Variants in CDH13 observed in about 807,000 individuals in gnomAD.
CDH13 encodes cadherin 13, also known as cadherin-13.
A neutral mutation model predicts 63.8 loss-of-function variants in CDH13; 24 were observed. The observed-to-expected ratio is 0.38, with a 90% CI of 0.27 to 0.53. CDH13 has a LOEUF of 0.53. Ranked by LOEUF, CDH13 falls within the 20% of genes least tolerant of loss-of-function variation. CDH13 has a pLI of 0.85. For synonymous variants in CDH13, 503 were observed against 355.3 expected (o/e 1.42, Z -4.67); for missense variants, 1,049 against 903.1 (o/e 1.16, Z -2.07).
chr16:83,381,592 A>G (rs1310320261), intron 6 of CDH13, among the ~76,000 whole-genome samples: 3 of 152,068 alleles, frequency 2.0e-5, no homozygotes, highest in South Asian at 4.2e-4. Context: ...TACCCTTCAC[A>G]TCACCTTCTC....
At chr16:83,595,275 C>T (rs1353498954) in intron 7 of CDH13, among the ~76,000 whole-genome samples, 1 of 152,190 alleles carries the variant, frequency 6.6e-6, no homozygotes, top group Non-Finnish European at 1.5e-5. Flanking sequence ...CACTGATATG[C>T]TCAGACCTTT....
At chr16:83,322,249 A>G (rs1247898142) in intron 5 of CDH13, among the ~76,000 whole-genome samples, 1 of 152,134 alleles carries the variant, frequency 6.6e-6, no homozygotes, top group Non-Finnish European at 1.5e-5. Context: ...CTGGAGCAGC[A>G]CTTGCTACCC....
At chr16:82,891,983 C>T (rs1041400172) in intron 2 of CDH13, among the ~76,000 whole-genome samples, 3 of 152,118 alleles carry the variant, frequency 2.0e-5, no homozygotes, top group Non-Finnish European at 4.4e-5. Context: ...GTTTGTAAAT[C>T]TTGCCCAGTT....
intron 7 of CDH13, among the ~76,000 whole-genome samples, chr16:83,489,344 A>G (rs2073959825): frequency 6.6e-6 from 1 of 152,238 alleles, no homozygotes; most frequent in South Asian, 2.1e-4. Context: ...CAGCCCCCCA[A>G]AAAAGATCAA....
chr16:82,918,358 G>A (rs1304751240), intron 2 of CDH13, among the ~76,000 whole-genome samples: 2 of 152,170 alleles, frequency 1.3e-5, no homozygotes, highest in Non-Finnish European at 2.9e-5. Context: ...ACCAGTTTCT[G>A]TGATTTTTTT....
chr16:83,588,898 C>G (rs954235769), intron 7 of CDH13, among the ~76,000 whole-genome samples: 5 of 152,200 alleles, frequency 3.3e-5, no homozygotes, highest in Non-Finnish European at 7.3e-5. Flanking sequence ...CAGGAGGCTG[C>G]TGGGCGTCTC....
At chr16:83,240,400 G>A (rs1904319367) in intron 5 of CDH13, among the ~76,000 whole-genome samples, 1 of 152,164 alleles carries the variant, frequency 6.6e-6, no homozygotes, top group African/African-American at 2.4e-5. Flanking sequence ...CACCAGGAAT[G>A]CTGTAAACAG....
chr16:83,268,967 G>A (rs2088709701), intron 5 of CDH13, among the ~76,000 whole-genome samples: 1 of 152,132 alleles, frequency 6.6e-6, no homozygotes. Context: ...TGTCAAAGAA[G>A]CATGAAGGTG....
intron 1 of CDH13, chr16:82,826,687 G>A (rs945771330): frequency 1.3e-5 from 2 of 152,296 alleles, no homozygotes; most frequent in East Asian, 3.9e-4. Flanking sequence ...AAGAGTGCCT[G>A]TAAATTACTG....
intron 2 of CDH13, among the ~76,000 whole-genome samples, chr16:82,947,732 C>A (rs998097533): frequency 6.6e-6 from 1 of 152,106 alleles, no homozygotes. Context: ...CCACTACAGT[C>A]AAATTATTTT....
At position 83,047,877 on chromosome 16, in the gene CDH13, T is replaced by C. The variant is rs1917945894; in HGVS notation, c.366+15659T>C. Among the ~76,000 whole-genome samples the C allele has an allele frequency of 6.6e-6, 1 of 152,232 alleles. No homozygotes were observed. The highest frequency in any genetic ancestry group is 2.4e-5 in the African/African-American group (1 of 41,468). ...TATAGGTCCTATTTTATCTTCATTTTACAGGTGAATAAAGGAAGACGGGGA... is the reference window on the plus strand; with the variant it reads ...TATAGGTCCTATTTTATCTTCATTTCACAGGTGAATAAAGGAAGACGGGGA... On this transcript the variant is annotated intron_variant, in intron 3 of 13. Coordinates refer to ENST00000567109, the MANE Select transcript of CDH13 (RefSeq NM_001257.5). This position sits in a 1 kb window ranked among gnomAD's most constrained non-coding sequence, Gnocchi z 4.9.
intron 6 of CDH13, among the ~76,000 whole-genome samples, chr16:83,381,506 T>C (rs552272909): frequency 6.6e-6 from 1 of 152,026 alleles, no homozygotes; most frequent in Non-Finnish European, 1.5e-5. Context: ...ATGCAGTTCT[T>C]CTGGATCTCA....
chr16:83,779,907 C>G (rs1915400640), intron 11 of CDH13, 61 bp from the exon 12 acceptor site: 2 of 1,081,672 alleles, frequency 1.8e-6, no homozygotes, highest in Admixed American at 2.2e-5. Flanking sequence ...GCAAAAAGTG[C>G]TATGGTAAAT....
At chr16:82,808,072 C>T (rs1036362766) in intron 1 of CDH13, among the ~76,000 whole-genome samples, 1 of 152,066 alleles carries the variant, frequency 6.6e-6, no homozygotes, top group South Asian at 2.1e-4. Flanking sequence ...GTCAGAAGTC[C>T]CAGGGTCTTA....
intron 6 of CDH13, among the ~76,000 whole-genome samples, chr16:83,380,405 A>G (rs774800056): frequency 2.0e-5 from 3 of 152,094 alleles, no homozygotes; most frequent in Admixed American, 6.5e-5. Context: ...CATTCATTCT[A>G]TTTTTGCTCC....
chr16:83,345,140 C>T (rs1182436532), intron 6 of CDH13, 134 bp downstream of exon 6: 17 of 970,360 alleles, frequency 1.8e-5, no homozygotes, highest in Admixed American at 2.5e-5. Context: ...TACTTCCCTG[C>T]GTAGAAGCCA....
intron 6 of CDH13, among the ~76,000 whole-genome samples, chr16:83,485,897 C>T (rs531926897): frequency 6.6e-6 from 1 of 152,072 alleles, no homozygotes; most frequent in East Asian, 1.9e-4. Context: ...AATCCCAGCA[C>T]CCTTGGAGGC....
At chr16:83,205,849 C>T (rs1386970089) in intron 4 of CDH13, among the ~76,000 whole-genome samples, 8 of 152,052 alleles carry the variant, frequency 5.3e-5, no homozygotes, top group African/African-American at 9.7e-5. Context: ...GTGATCCACC[C>T]GTCTCGGCAT....
chr16:83,779,930 T>C, intron 11 of CDH13, 38 bp from the exon 12 acceptor site: 1 of 1,405,576 alleles, frequency 7.1e-7, no homozygotes, highest in Non-Finnish European at 1.0e-6. Context: ...CTCTCGCATA[T>C]ACCAGTTGCA....
Sources: gnomAD v4.1 joint callset for allele counts (sites outside exome capture counted in the v4.1 genomes callset) on GRCh38, gnomAD v4.1.1 for gene constraint, Gnocchi (gnomAD v3.1) non-coding constraint, MANE v1.5 for transcripts, NCBI Gene and HGNC (gene_info 2026-07-23, HGNC 2026-07-21) for gene names.